Variants in TOLLIP observed in about 807,000 individuals in gnomAD.
The protein encoded by TOLLIP is toll-interacting protein.
Under a neutral mutation model 33.5 loss-of-function variants are expected in TOLLIP, and 16 were observed. The ratio of observed to expected loss-of-function variants is 0.48; its 90% CI spans 0.32 to 0.72. TOLLIP has a LOEUF of 0.72. TOLLIP is among the 30% of genes least tolerant of loss of function. TOLLIP has a pLI of 0.03. For synonymous variants in TOLLIP, 176 were observed against 163.7 expected (o/e 1.07, Z -0.57); for missense variants, 325 against 396.6 (o/e 0.82, Z 1.53).
At position 1,301,355 on chromosome 11, in the gene TOLLIP, C is replaced by G. The variant is rs5743908; in HGVS notation, c.34-5561G>C. Among the ~76,000 whole-genome samples, 305 of 152,334 alleles carry G rather than the reference C, an allele frequency of 2.0e-3. 3 individuals are homozygous for G. The highest frequency in any genetic ancestry group is 7.1e-3 in the African/African-American group (296 of 41,572). Reference sequence around the variant, plus strand: ...TTCAATTCTCCAAGCCAGAGTCTCACACCAGCACTGAGGATCCCACACAAA... The same window carrying G: ...TTCAATTCTCCAAGCCAGAGTCTCAGACCAGCACTGAGGATCCCACACAAA... On this transcript the variant is annotated intron_variant, in intron 1 of 5. Transcript: ENST00000317204.
At position 1,290,176 on chromosome 11, in the gene TOLLIP, G is replaced by A. The variant is rs1863887544; in HGVS notation, c.366+51C>T. Reference sequence around the variant, plus strand: ...TGTTGGCAGGTGTGTCCCCACGGCAGCCACGCTCAGCCACGTGCAGCCTCC... The same window carrying A: ...TGTTGGCAGGTGTGTCCCCACGGCAACCACGCTCAGCCACGTGCAGCCTCC... On this transcript the variant is annotated intron_variant, in intron 3 of 5. Coordinates refer to ENST00000317204, the MANE Select transcript of TOLLIP (RefSeq NM_019009.4). The surrounding 1 kb of genome is among the most constrained non-coding windows in gnomAD (Gnocchi z 4.9). 2 of 1,579,044 alleles carry A rather than the reference G, an allele frequency of 1.3e-6. No individual in the cohort carries two copies. The highest frequency in any genetic ancestry group is 1.7e-6 in the Non-Finnish European group (2 of 1,156,068).
rs1181011950 is a variant in TOLLIP at position 1,308,649 on chromosome 11, C to T, written c.33+817G>A. On this transcript the variant is annotated intron_variant, in intron 1 of 5. Transcript: ENST00000317204. ...GCAACTCTCAGGAGAGAATTCAGAG[C>T]AGGAAAGGTTCTCTGAAGTTCCTGG... Among the ~76,000 whole-genome samples, 9 of 152,378 alleles carry T rather than the reference C, an allele frequency of 5.9e-5. No homozygotes were observed. In the East Asian group the frequency reaches 1.7e-3, roughly 29 times the overall value.
rs1423682751 is a variant in TOLLIP, at chr11:1,275,402, T to C, written c.*1637A>G. ...TGTTAATATCACGGAACATACCATC[T>C]AGAACGTTCCAGTCCCGCCTGACAC... is the stretch of plus-strand genomic sequence containing the variant. On this transcript the variant is annotated 3_prime_UTR_variant, in exon 6 of 6. Coordinates refer to ENST00000317204, the MANE Select transcript of TOLLIP (RefSeq NM_019009.4). 6.6e-6 allele frequency: 1 copy of C among 152,240 alleles called. No homozygotes were observed. Among genetic ancestry groups the C allele is most frequent in the Non-Finnish European group, 1.5e-5 (1 of 68,060 alleles). 9.4% of individuals were successfully genotyped at this position (152,240 alleles called of 1,614,324 possible).
chr11:1,294,180 C>T (rs1864037412), intron 2 of TOLLIP, among the ~76,000 whole-genome samples: 1 of 140,382 alleles, frequency 7.1e-6, no homozygotes, highest in African/African-American at 2.7e-5. Context: ...GTCTCCTTTC[C>T]CTGCATTTCT....
At chr11:1,299,757 C>T (rs1864210748) in intron 1 of TOLLIP, among the ~76,000 whole-genome samples, 2 of 152,256 alleles carry the variant, frequency 1.3e-5, no homozygotes, top group Non-Finnish European at 1.5e-5. Flanking sequence ...GAGCCAGTCC[C>T]CTGTCAATGC....
Position 1,277,193 on chromosome 11 carries a change from T to C in TOLLIP, c.671A>G (p.Asn224Ser). 6.2e-7 allele frequency: 1 copy of C among 1,602,102 alleles called. No individual in the cohort carries two copies. Residue 224 changes from asparagine (N) to serine (S), a missense_variant, in exon 6 of 6, where the codon AAC becomes AGC. Coordinates refer to ENST00000317204, the MANE Select transcript of TOLLIP (RefSeq NM_019009.4). The surrounding 1 kb of genome is among the most constrained non-coding windows in gnomAD (Gnocchi z 4.2). Reference protein sequence around the residue: ...VPVALPPAAVNAQPRCSEEDL... With the variant: ...VPVALPPAAVSAQPRCSEEDL... ...CTCCTCGCTACAGCGGGGCTGGGCG[T>C]TCACGGCGGCCGGGGGCAGGGCCAC... is the stretch of plus-strand genomic sequence containing the variant.
intron 1 of TOLLIP, among the ~76,000 whole-genome samples, chr11:1,305,354 G>C (rs151039898): frequency 0.011 from 1,680 of 152,334 alleles, 19 homozygotes; most frequent in African/African-American, 0.039. Flanking sequence ...CAGCGGAGAC[G>C]GGTAAGTGCC....
At chr11:1,288,586 C>A (rs1351204269) in intron 4 of TOLLIP, 38 bp downstream of exon 4, 2 of 1,580,900 alleles carry the variant, frequency 1.3e-6, no homozygotes, top group Admixed American at 1.7e-5. Flanking sequence ...CTCCAACATA[C>A]CCCAATGCGC....
Position 1,274,390 on chromosome 11 carries a change from CTTTA to C in TOLLIP, c.*2645_*2648del, listed in dbSNP as rs1268898439. On this transcript the variant is annotated 3_prime_UTR_variant, in exon 6 of 6. Transcript: ENST00000317204. ...ACATGGTAAACCTTCCCTTAAAGGACTTTATTTCTCTATTTTTATATGGATCATT... is the reference window on the plus strand; with the variant it reads ...ACATGGTAAACCTTCCCTTAAAGGACTTTCTCTATTTTTATATGGATCATT... 2 of 152,204 alleles carry C rather than the reference CTTTA, an allele frequency of 1.3e-5. No individual in the cohort carries two copies. The highest frequency in any genetic ancestry group is 2.9e-5 in the Non-Finnish European group (2 of 68,030). The allele number at this position is 152,204 out of a possible 1,614,324, so 9.4% of individuals were successfully genotyped here.
At chr11:1,288,556 G>A in intron 4 of TOLLIP, 68 bp downstream of exon 4, 2 of 1,514,698 alleles carry the variant, frequency 1.3e-6, no homozygotes, top group African/African-American at 1.4e-5. Context: ...GTGTCTGTGG[G>A]GCGGCATAGC....
chr11:1,288,569 C>T (rs578168030), intron 4 of TOLLIP, 55 bp downstream of exon 4: 907 of 1,555,524 alleles, frequency 5.8e-4, no homozygotes, highest in Non-Finnish European at 6.8e-4. Context: ...GGCATAGCCC[C>T]GACGTGCTCC....
At chr11:1,291,909 A>C (rs1036442062) in intron 2 of TOLLIP, 1 of 153,792 alleles carries the variant, frequency 6.5e-6, no homozygotes, top group African/African-American at 2.4e-5. Flanking sequence ...GCACAGCTGA[A>C]CTCTCCCCTC....
chr11:1,307,444 A>G (rs1296988724), intron 1 of TOLLIP, among the ~76,000 whole-genome samples: 1 of 152,212 alleles, frequency 6.6e-6, no homozygotes, highest in Non-Finnish European at 1.5e-5. Context: ...GGTGCCCCTC[A>G]GAACAGGAAG....
At chr11:1,281,897 G>A (rs993088118) in intron 5 of TOLLIP, among the ~76,000 whole-genome samples, 9 of 152,224 alleles carry the variant, frequency 5.9e-5, no homozygotes, top group Non-Finnish European at 1.0e-4. Flanking sequence ...GGCCCGAGAC[G>A]CCCTGAGCAC....
At chr11:1,285,348 G>C (rs1277938357) in intron 5 of TOLLIP, among the ~76,000 whole-genome samples, 1 of 152,248 alleles carries the variant, frequency 6.6e-6, no homozygotes, top group Non-Finnish European at 1.5e-5. Context: ...CCTCTCAGGG[G>C]CTGCGGTCTC....
In TOLLIP at chr11:1,295,755, T is replaced by G. The variant is rs1310794534; in HGVS notation, c.73A>C (p.Thr25Pro). The stretch of plus-strand genomic sequence containing the variant: ...ACCTGCCGCTGCTGCTGTGTGGGCG[T>G]GATGCGGAGGAAGTCCTGCGGGAGC... ...GELPQDFLRI[T>P]PTQQQRQVQL... is the part of the protein sequence containing the mutation. Residue 25 changes from threonine (T) to proline (P), a missense_variant, in exon 2 of 6, where the codon ACG becomes CCG. Physicochemically the swap from Thr to Pro is conservative, Grantham distance 38. Transcript: ENST00000317204. The G allele has an allele frequency of 6.2e-7, 1 of 1,602,390 alleles. No homozygotes were observed. Among genetic ancestry groups the G allele is most frequent in the African/African-American group, 1.3e-5 (1 of 74,808 alleles).
chr11:1,280,119 A>G (rs1863445610), intron 5 of TOLLIP, among the ~76,000 whole-genome samples: 1 of 152,286 alleles, frequency 6.6e-6, no homozygotes, highest in Admixed American at 6.5e-5. Context: ...TTGTCTCGGA[A>G]ACTTTTAAGC....
rs1030951073 is a variant in TOLLIP, at chr11:1,275,609, G to A, written c.*1430C>T. 2.0e-5 allele frequency: 3 copies of A among 152,196 alleles called. No individual in the cohort carries two copies. The highest frequency in any genetic ancestry group is 7.2e-5 in the African/African-American group (3 of 41,520). The allele number at this position is 152,196 out of a possible 1,614,324, so 9.4% of individuals were successfully genotyped here. On this transcript the variant is annotated 3_prime_UTR_variant, in exon 6 of 6. Transcript: ENST00000317204. ...TGAAGAAGGCGCCTGCTGCCAGCAT[G>A]TCCCTCCCCCACGGCCACCACACAC...
intron 1 of TOLLIP, among the ~76,000 whole-genome samples, chr11:1,306,481 C>T (rs1398030639): frequency 6.6e-6 from 1 of 152,154 alleles, no homozygotes; most frequent in Non-Finnish European, 1.5e-5. Context: ...TCTCTTTCTG[C>T]TGGAAAGCTG....
Sources: allele counts gnomAD v4.1 joint callset (sites outside exome capture counted in the v4.1 genomes callset), GRCh38; gene constraint gnomAD v4.1.1; non-coding constraint Gnocchi (gnomAD v3.1); transcripts MANE v1.5; gene names NCBI Gene and HGNC (gene_info 2026-07-23, HGNC 2026-07-21).